PTPRS: variants seen among roughly 807,000 people sequenced by gnomAD.
The protein encoded by PTPRS is protein tyrosine phosphatase receptor type S.
A neutral mutation model predicts 215.3 loss-of-function variants in PTPRS; 63 were observed. That is an observed-to-expected ratio of 0.29 (90% CI 0.24 to 0.36). The LOEUF is 0.36. PTPRS is among the 10% of genes least tolerant of loss of function. PTPRS has a pLI of 1.00. For synonymous variants in PTPRS, 1,404 were observed against 1,191.4 expected (o/e 1.18, Z -3.68); for missense variants, 2,258 against 2,825.8 (o/e 0.80, Z 4.56).
intron 3 of PTPRS, 127 bp from the exon 4 acceptor site, chr19:5,273,710 G>A: frequency 1.7e-6 from 2 of 1,183,766 alleles, no homozygotes; most frequent in South Asian, 1.5e-5. Flanking sequence ...GTGACTGGGA[G>A]AATTGCTGCA....
At chr19:5,334,098 C>G (rs1251156380) in intron 1 of PTPRS, among the ~76,000 whole-genome samples, 7 of 152,192 alleles carry the variant, frequency 4.6e-5, no homozygotes, top group African/African-American at 1.7e-4. Flanking sequence ...ATCCAGGCCC[C>G]CTGTGGTTCA....
Position 5,210,945 on chromosome 19 carries a change from G to A in PTPRS, c.5235-140C>T. 1.7e-6 allele frequency: 2 copies of A among 1,173,832 alleles called. No individual in the cohort carries two copies. Among genetic ancestry groups the A allele is most frequent in the South Asian group, 3.2e-5 (2 of 63,074 alleles). 72.7% of individuals were successfully genotyped at this position (1,173,832 alleles called of 1,614,324 possible). A position where few individuals can be genotyped will look rare whatever the true frequency, so the allele number is the denominator to read the frequency against. On this transcript the variant is annotated intron_variant, in intron 33 of 37. Transcript: ENST00000262963. The surrounding 1 kb of genome is among the most constrained non-coding windows in gnomAD (Gnocchi z 4.5). ...ACTGCCTGCCAGGAATGGCTGCTGG[G>A]TGCACCACTTCCCCTCCTGGTGATC...
Position 5,237,669 on chromosome 19 carries a change from C to G in PTPRS, c.1849+1250G>C, listed in dbSNP as rs376170903. On this transcript the variant is annotated intron_variant, in intron 13 of 37. Coordinates refer to ENST00000262963, the MANE Select transcript of PTPRS (RefSeq NM_002850.4). The surrounding 1 kb of genome is among the most constrained non-coding windows in gnomAD (Gnocchi z 4.2). ...ACGCGGGGTGGGCCGTTTTTGTGAACCTGCTTGAGACCAGCGTGTACTCAC... is the reference window on the plus strand; with the variant it reads ...ACGCGGGGTGGGCCGTTTTTGTGAAGCTGCTTGAGACCAGCGTGTACTCAC... 1.6e-3 allele frequency among the ~76,000 whole-genome samples: 241 copies of G among 152,220 alleles called. No individual in the cohort carries two copies. The highest frequency in any genetic ancestry group is 5.5e-3 in the African/African-American group (230 of 41,542).
chr19:5,246,346 T>G (rs1409206472), intron 9 of PTPRS, among the ~76,000 whole-genome samples: 2 of 151,962 alleles, frequency 1.3e-5, no homozygotes, highest in Admixed American at 6.5e-5. Context: ...AAACAATATA[T>G]AGAGAGATAT....
chr19:5,274,736 T>G (rs2047212101), intron 2 of PTPRS, among the ~76,000 whole-genome samples: 1 of 152,162 alleles, frequency 6.6e-6, no homozygotes, highest in African/African-American at 2.4e-5. Flanking sequence ...ATTCAGCACC[T>G]GAACCCCCCC....
intron 13 of PTPRS, among the ~76,000 whole-genome samples, chr19:5,233,528 T>A (rs1448504072): frequency 6.6e-6 from 1 of 151,246 alleles, no homozygotes; most frequent in Non-Finnish European, 1.5e-5. Flanking sequence ...TAATAGAGCA[T>A]CTATTTACTG....
At position 5,214,594 on chromosome 19, in the gene PTPRS, G is replaced by A. The variant is rs371896020; in HGVS notation, c.4461C>T (p.Ile1487=). The A allele has an allele frequency of 2.0e-5, 33 of 1,612,308 alleles. No homozygotes were observed. In the African/African-American group the frequency reaches 2.5e-4, roughly 12 times the overall value. The change falls in exon 29 of 38, where the codon ATC becomes ATT. Residue 1487 remains isoleucine (I), a synonymous_variant. Coordinates refer to ENST00000262963, the MANE Select transcript of PTPRS (RefSeq NM_002850.4). Reference sequence around the variant, plus strand: ...TCTCCTCCAGCCGCGTCATCATGACGATGGTCGCCGACCGCTGCTCCCACA... The same window carrying A: ...TCTCCTCCAGCCGCGTCATCATGACAATGGTCGCCGACCGCTGCTCCCACA... The part of the protein sequence containing the change: ...RMVWEQRSAT[I]VMMTRLEEKS...
chr19:5,221,676 T>C (rs906519053), intron 19 of PTPRS, among the ~76,000 whole-genome samples: 3 of 151,948 alleles, frequency 2.0e-5, no homozygotes, highest in African/African-American at 7.3e-5. Context: ...TGAACCTCAA[T>C]CCCAGGCTGA....
chr19:5,256,138 G>A lies in PTPRS; in HGVS notation c.707-19C>T, dbSNP rs762985706. 1.3e-6 allele frequency: 2 copies of A among 1,519,774 alleles called. No homozygotes were observed. Among genetic ancestry groups the A allele is most frequent in the African/African-American group, 1.4e-5 (1 of 72,382 alleles). The allele number at this position is 1,519,774 out of a possible 1,614,324, so 94.1% of individuals were successfully genotyped here. On this transcript the variant is annotated intron_variant, in intron 8 of 37. Transcript: ENST00000262963. Reference sequence around the variant, plus strand: ...CGAAGCTCTGAGGGATGTAAAGGGGGTTTGATGCAGAACACAATGACATGG... The same window carrying A: ...CGAAGCTCTGAGGGATGTAAAGGGGATTTGATGCAGAACACAATGACATGG...
intron 9 of PTPRS, among the ~76,000 whole-genome samples, chr19:5,249,327 T>C (rs150837996): frequency 9.3e-4 from 141 of 152,008 alleles, no homozygotes; most frequent in Admixed American, 1.5e-3. Flanking sequence ...AATAAATAAA[T>C]AAACAAACAA....
intron 1 of PTPRS, among the ~76,000 whole-genome samples, chr19:5,301,421 T>G (rs12984627): frequency 0.19 from 29,162 of 151,338 alleles, 2,984 homozygotes; most frequent in Admixed American, 0.29. Context: ...GTTCAATCGA[T>G]TCTCCTGCCT....
In PTPRS at chr19:5,244,989, T is replaced by TC. The variant is rs1239101476; in HGVS notation, c.989-508_989-507insG. ...GGCCTTTTTTTTCTTTTTTCTTTTT[T>TC]TTTTTTTTTAGACGGAGCCTTGCTC... On this transcript the variant is annotated intron_variant, in intron 10 of 37. Transcript: ENST00000262963. The surrounding 1 kb of genome is among the most constrained non-coding windows in gnomAD (Gnocchi z 7.2). 2.5e-3 allele frequency among the ~76,000 whole-genome samples: 357 copies of TC among 144,914 alleles called. 1 individual carries two copies. Among genetic ancestry groups the TC allele is most frequent in the Non-Finnish European group, 4.4e-3 (293 of 66,224 alleles).
chr19:5,215,712 A>G lies in PTPRS; in HGVS notation c.4097-117T>C, dbSNP rs561347965. ...ATGGGTGAGCTGTGGTTAGAAGGGC[A>G]TGGCCGGGGTGGGGCTTGGCAGGAG... On this transcript the variant is annotated intron_variant, in intron 26 of 37. Transcript: ENST00000262963. The G allele has an allele frequency of 2.6e-5, 19 of 743,736 alleles. No individual in the cohort carries two copies. In the East Asian group the frequency reaches 4.4e-4, roughly 17 times the overall value. The allele number at this position is 743,736 out of a possible 1,614,324, so 46.1% of individuals were successfully genotyped here. A position where few individuals can be genotyped will look rare whatever the true frequency, so the allele number is the denominator to read the frequency against.
intron 4 of PTPRS, among the ~76,000 whole-genome samples, chr19:5,265,894 T>C (rs2046362209): frequency 6.6e-6 from 1 of 152,010 alleles, no homozygotes; most frequent in African/African-American, 2.4e-5. Flanking sequence ...CAGTGCTGAG[T>C]GGGTTCATTT....
chr19:5,229,091 C>G (rs1301490652), intron 16 of PTPRS, among the ~76,000 whole-genome samples: 3 of 152,214 alleles, frequency 2.0e-5, no homozygotes, highest in Non-Finnish European at 4.4e-5. Flanking sequence ...AAGCCACCCT[C>G]GGGTCTGCCC....
rs374685700 is a variant in PTPRS, at chr19:5,210,849, C to A, written c.5235-44G>T. On this transcript the variant is annotated intron_variant, in intron 33 of 37. Coordinates refer to ENST00000262963, the MANE Select transcript of PTPRS (RefSeq NM_002850.4). The surrounding 1 kb of genome is among the most constrained non-coding windows in gnomAD (Gnocchi z 4.5). ...TGAGCCCAGGGCCGGCAGGGAGACC[C>A]GGCGTGGTACTCACCTGATGCTGCC... 1.9e-6 allele frequency: 3 copies of A among 1,594,888 alleles called. No individual in the cohort carries two copies. The highest frequency in any genetic ancestry group is 2.6e-6 in the Non-Finnish European group (3 of 1,173,512).
intron 7 of PTPRS, among the ~76,000 whole-genome samples, chr19:5,260,488 C>A (rs971344161): frequency 4.6e-5 from 7 of 152,328 alleles, no homozygotes; most frequent in South Asian, 2.1e-4. Flanking sequence ...CCTGCATGCT[C>A]ATTTTAGAGG....
At position 5,244,429 on chromosome 19, in the gene PTPRS, T is replaced by C; in HGVS notation, c.1042A>G (p.Ile348Val). Residue 348 changes from isoleucine (I) to valine (V), a missense_variant, in exon 11 of 38, where the codon ATC becomes GTC. Coordinates refer to ENST00000262963, the MANE Select transcript of PTPRS (RefSeq NM_002850.4). The surrounding 1 kb of genome is among the most constrained non-coding windows in gnomAD (Gnocchi z 7.2). ...TTGCCCGAGTCCCACGTGATGGTGATGCTGGTGGCTGTGTTCTCAGTCACC... is the reference window on the plus strand; with the variant it reads ...TTGCCCGAGTCCCACGTGATGGTGACGCTGGTGGCTGTGTTCTCAGTCACC... ...PMVTENTATSITITWDSGNPD... is the reference protein window; with the variant it reads ...PMVTENTATSVTITWDSGNPD... 6.2e-7 allele frequency: 1 copy of C among 1,614,174 alleles called. No individual in the cohort carries two copies. Among genetic ancestry groups the C allele is most frequent in the Non-Finnish European group, 8.5e-7 (1 of 1,180,034 alleles).
rs1411835716 is a variant in PTPRS at position 5,287,904 on chromosome 19, T to C, written c.-94-1670A>G. On this transcript the variant is annotated intron_variant, in intron 1 of 37. Coordinates refer to ENST00000262963, the MANE Select transcript of PTPRS (RefSeq NM_002850.4). This position sits in a 1 kb window ranked among gnomAD's most constrained non-coding sequence, Gnocchi z 4.8. The stretch of plus-strand genomic sequence containing the variant: ...CGACACACAGTCAGACTGCAAGCGG[T>C]TGCATATCTGCAAGAGACACAGAAA... Among the ~76,000 whole-genome samples, 3 of 139,534 alleles carry C rather than the reference T, an allele frequency of 2.2e-5. No homozygotes were observed. The highest frequency in any genetic ancestry group is 4.6e-5 in the Non-Finnish European group (3 of 65,830). 91.5% of individuals were successfully genotyped at this position (139,534 alleles called of 152,430 possible). A position where few individuals can be genotyped will look rare whatever the true frequency, so the allele number is the denominator to read the frequency against.
Sources: allele counts gnomAD v4.1 joint callset (sites outside exome capture counted in the v4.1 genomes callset), GRCh38; gene constraint gnomAD v4.1.1; non-coding constraint Gnocchi (gnomAD v3.1); transcripts MANE v1.5; gene names NCBI Gene and HGNC (gene_info 2026-07-23, HGNC 2026-07-21).